DIS3L2: variants seen among roughly 807,000 people sequenced by gnomAD.
DIS3L2 encodes DIS3 like 3'-5' exoribonuclease 2.
DIS3L2 carries 34 observed loss-of-function variants against 97.5 expected under a neutral mutation model. The ratio of observed to expected loss-of-function variants is 0.35; its 90% CI spans 0.27 to 0.46. The LOEUF (loss-of-function observed/expected upper bound fraction) is 0.46. Among genes scored for constraint, DIS3L2 ranks in the 20% least tolerant of loss-of-function variants. The pLI is 1.00. For synonymous variants in DIS3L2, 435 were observed against 445.2 expected (o/e 0.98, Z 0.29); for missense variants, 1,038 against 1,146.0 (o/e 0.91, Z 1.36).
chr2:232,210,870 C>T (rs1213855646), intron 10 of DIS3L2, among the ~76,000 whole-genome samples: 2 of 151,914 alleles, frequency 1.3e-5, no homozygotes, highest in Middle Eastern at 3.4e-3. Flanking sequence ...TGAGAACTGC[C>T]TCTCTAGGGC....
At chr2:232,192,152 A>G (rs1183625603) in intron 9 of DIS3L2, among the ~76,000 whole-genome samples, 4 of 152,214 alleles carry the variant, frequency 2.6e-5, no homozygotes, top group Non-Finnish European at 5.9e-5. Context: ...CTTTTTGTTA[A>G]TGGGGTATAT....
chr2:232,114,381 A>T (rs1023373206), intron 6 of DIS3L2, among the ~76,000 whole-genome samples: 4 of 152,182 alleles, frequency 2.6e-5, no homozygotes, highest in African/African-American at 9.7e-5. Flanking sequence ...AATTAATGAG[A>T]GTAACTTGGT....
At chr2:232,039,985 T>C (rs1377707987) in intron 5 of DIS3L2, among the ~76,000 whole-genome samples, 1 of 152,182 alleles carries the variant, frequency 6.6e-6, no homozygotes, top group Non-Finnish European at 1.5e-5. Flanking sequence ...CTAGAATAGG[T>C]CACAGGCTTT....
At chr2:232,075,115 T>TTCA (rs1470758170) in intron 5 of DIS3L2, among the ~76,000 whole-genome samples, 1 of 152,224 alleles carries the variant, frequency 6.6e-6, no homozygotes, top group Non-Finnish European at 1.5e-5. Context: ...TTTCAACTCC[T>TTCA]GTGGATGATT....
intron 1 of DIS3L2, among the ~76,000 whole-genome samples, chr2:232,006,099 A>G (rs1156872393): frequency 6.6e-6 from 1 of 152,226 alleles, no homozygotes; most frequent in Non-Finnish European, 1.5e-5. Context: ...AGGCAGGAGA[A>G]TTGCTTGAAC....
At chr2:232,102,860 A>C (rs1697245947) in intron 6 of DIS3L2, among the ~76,000 whole-genome samples, 1 of 152,178 alleles carries the variant, frequency 6.6e-6, no homozygotes, top group Non-Finnish European at 1.5e-5. Context: ...TATAGTCAGG[A>C]CTGCTGTTTT....
In DIS3L2 at chr2:232,335,822, A is replaced by AACTC. The variant is rs1695925532; in HGVS notation, c.2447_2450dup (p.Leu818HisfsTer7). The AACTC allele has an allele frequency of 1.9e-6, 3 of 1,550,870 alleles. No homozygotes were observed. Among genetic ancestry groups the AACTC allele is most frequent in the Non-Finnish European group, 2.6e-6 (3 of 1,147,052 alleles). On this transcript the variant is annotated frameshift_variant, in exon 20 of 21. Transcript: ENST00000325385. LOFTEE classifies it high-confidence loss of function. The stretch of plus-strand genomic sequence containing the variant: ...TTCCAGAAGGTGGGCAAGAAGCCGG[A>AACTC]ACTCACGCTGGTCTGGGAGCCTGAG...
chr2:232,005,986 T>C (rs3100599), intron 1 of DIS3L2, among the ~76,000 whole-genome samples: 142,693 of 152,172 alleles, frequency 0.94, 66,996 homozygotes, highest in East Asian at 1. Context: ...TCAGGAGTTC[T>C]AGACCAGCCT....
At chr2:232,309,951 T>C (rs951925618) in intron 14 of DIS3L2, among the ~76,000 whole-genome samples, 2 of 152,224 alleles carry the variant, frequency 1.3e-5, no homozygotes, top group Non-Finnish European at 2.9e-5. Context: ...CCTGCTTGGT[T>C]CTTTGCCTTT....
chr2:232,288,807 A>G (rs1694519437), intron 13 of DIS3L2, among the ~76,000 whole-genome samples: 1 of 151,970 alleles, frequency 6.6e-6, no homozygotes, highest in African/African-American at 2.4e-5. Flanking sequence ...TCATATTTTT[A>G]TGTATGTTTG....
chr2:232,248,380 G>A lies in DIS3L2; in HGVS notation c.1318-859G>A, dbSNP rs528330371. 7.0e-4 allele frequency among the ~76,000 whole-genome samples: 107 copies of A among 152,240 alleles called. 3 individuals are homozygous for A. The South Asian group carries it at 0.021, about 30-fold the overall frequency. On this transcript the variant is annotated intron_variant, in intron 11 of 20. Transcript: ENST00000325385. The stretch of plus-strand genomic sequence containing the variant: ...TTTAGTTAGAGAGGTGGGGTGGATG[G>A]TCCTGCCATTAATCAAGAAAAATAT...
intron 1 of DIS3L2, among the ~76,000 whole-genome samples, chr2:231,985,762 A>G (rs534359107): frequency 2.9e-4 from 44 of 152,312 alleles, no homozygotes; most frequent in African/African-American, 7.5e-4. Context: ...ATTTCCAAGA[A>G]TTAAGGATAT....
At chr2:232,270,902 CT>C (rs1559185283) in intron 13 of DIS3L2, among the ~76,000 whole-genome samples, 2 of 137,186 alleles carry the variant, frequency 1.5e-5, no homozygotes, top group African/African-American at 5.9e-5. Context: ...CTCTCTCTCT[CT>C]CTCTCTCTCT....
At chr2:231,963,760 C>T (rs1358602896) in intron 1 of DIS3L2, among the ~76,000 whole-genome samples, 2 of 152,066 alleles carry the variant, frequency 1.3e-5, no homozygotes, top group Non-Finnish European at 2.9e-5. Context: ...TCACTGTCAC[C>T]CAGGCTGGAG....
At chr2:232,270,858 T>TCGTC (rs1693970181) in intron 13 of DIS3L2, among the ~76,000 whole-genome samples, 2 of 125,302 alleles carry the variant, frequency 1.6e-5, no homozygotes, top group South Asian at 5.6e-4. Flanking sequence ...TCTCTTTTTC[T>TCGTC]CGTCTCTCTC....
At chr2:232,112,701 G>A (rs1055054294) in intron 6 of DIS3L2, among the ~76,000 whole-genome samples, 4 of 152,146 alleles carry the variant, frequency 2.6e-5, no homozygotes, top group African/African-American at 9.7e-5. Flanking sequence ...AAACAAAGTT[G>A]TTAGGGAACA....
At chr2:232,229,084 T>C (rs545948563) in intron 10 of DIS3L2, among the ~76,000 whole-genome samples, 5 of 152,360 alleles carry the variant, frequency 3.3e-5, no homozygotes, top group African/African-American at 1.2e-4. Flanking sequence ...CTTCTGCCTC[T>C]ATTGGCTCGT....
Position 231,981,598 on chromosome 2 carries a change from T to TTTTA in DIS3L2, c.-94+19834_-94+19835insTTAT, listed in dbSNP as rs1271512116. 1.9e-3 allele frequency among the ~76,000 whole-genome samples: 159 copies of TTTTA among 84,054 alleles called. 2 individuals are homozygous for TTTTA. Among genetic ancestry groups the TTTTA allele is most frequent in the South Asian group, 0.01 (20 of 1,976 alleles). 55.1% of individuals were successfully genotyped at this position (84,054 alleles called of 152,430 possible). A position where few individuals can be genotyped will look rare whatever the true frequency, so the allele number is the denominator to read the frequency against. On this transcript the variant is annotated intron_variant, in intron 1 of 20. Transcript: ENST00000325385. ...CAGTAATGTTATACTGTTAAGTATT[T>TTTTA]TATATATATATATATATATATATAT...
intron 9 of DIS3L2, among the ~76,000 whole-genome samples, chr2:232,164,029 T>C (rs1690733622): frequency 6.6e-6 from 1 of 152,190 alleles, no homozygotes; most frequent in Admixed American, 6.5e-5. Context: ...ACCAAGACCA[T>C]ATGGCCTGCA....
Sources: allele counts gnomAD v4.1 joint callset (sites outside exome capture counted in the v4.1 genomes callset), GRCh38; gene constraint gnomAD v4.1.1; transcripts MANE v1.5; gene names NCBI Gene and HGNC (gene_info 2026-07-23, HGNC 2026-07-21).